CCSER2: variants seen among roughly 807,000 people sequenced by gnomAD.
CCSER2 encodes serine-rich coiled-coil domain-containing protein 2.
CCSER2 carries 46 observed loss-of-function variants against 92.3 expected under a neutral mutation model. The ratio of observed to expected loss-of-function variants is 0.50; its 90% CI spans 0.39 to 0.64. CCSER2 has a LOEUF of 0.64. Among genes scored for constraint, CCSER2 ranks in the 30% least tolerant of loss-of-function variants. The pLI, the probability that CCSER2 is intolerant of heterozygous loss-of-function variation, is 0.00. For missense variants in CCSER2, 1,244 were observed against 1,238.9 expected (o/e 1.00, Z -0.06); for synonymous variants, 433 against 431.4 (o/e 1.00, Z -0.04).
intron 9 of CCSER2, among the ~76,000 whole-genome samples, chr10:84,487,467 G>C (rs1847878014): frequency 6.6e-6 from 1 of 152,158 alleles, no homozygotes. Flanking sequence ...CATGTCCCTT[G>C]TAAGTTGGAT....
At chr10:84,428,985 GTATATATATATATATATATA>G (rs60243946) in intron 5 of CCSER2, among the ~76,000 whole-genome samples, 1 of 140,848 alleles carries the variant, frequency 7.1e-6, no homozygotes, top group Admixed American at 7.0e-5. Context: ...GTGTGTATGT[GTATATATATATATATATATA>G]TATATATATA....
chr10:84,339,124 G>T (rs1325732384), intron 1 of CCSER2, among the ~76,000 whole-genome samples: 61 of 137,424 alleles, frequency 4.4e-4, no homozygotes, highest in East Asian at 1.3e-3. Flanking sequence ...TTTTTTTTTT[G>T]TTTTTTTTTT....
At chr10:84,426,460 C>T (rs1043764442) in intron 5 of CCSER2, among the ~76,000 whole-genome samples, 6 of 152,162 alleles carry the variant, frequency 3.9e-5, no homozygotes, top group Non-Finnish European at 7.4e-5. Context: ...ATTAGCTTTG[C>T]AAGCTTAGAT....
intron 3 of CCSER2, chr10:84,391,375 C>T (rs571377469): frequency 6.9e-7 from 1 of 1,454,084 alleles, no homozygotes; most frequent in South Asian, 1.1e-5. Flanking sequence ...CCCAAAGTAA[C>T]ATCCTAACAC....
intron 6 of CCSER2, among the ~76,000 whole-genome samples, chr10:84,457,588 TA>T (rs1278581937): frequency 1.7e-4 from 2 of 12,036 alleles, no homozygotes; most frequent in African/African-American, 3.8e-4. Flanking sequence ...ATATTATATA[TA>T]ATTATATATT....
At chr10:84,441,744 T>A in intron 6 of CCSER2, among the ~76,000 whole-genome samples, 1 of 30,090 alleles carries the variant, frequency 3.3e-5, no homozygotes, top group Non-Finnish European at 6.7e-5. Flanking sequence ...ATGTTTTTTT[T>A]TTTTTTTTTT....
At chr10:84,418,382 G>C (rs758330546) in intron 4 of CCSER2, among the ~76,000 whole-genome samples, 18 of 152,128 alleles carry the variant, frequency 1.2e-4, no homozygotes, top group Non-Finnish European at 2.2e-4. Flanking sequence ...ATATGGGAGA[G>C]GGGCCTTAGG....
At chr10:84,426,915 AG>A (rs1843466970) in intron 5 of CCSER2, among the ~76,000 whole-genome samples, 1 of 152,252 alleles carries the variant, frequency 6.6e-6, no homozygotes, top group Non-Finnish European at 1.5e-5. Context: ...GGATGTCAGC[AG>A]TTGTAAGAAA....
intron 3 of CCSER2, chr10:84,393,860 G>A (rs1366788580): frequency 6.6e-6 from 1 of 152,168 alleles, no homozygotes; most frequent in Non-Finnish European, 1.5e-5. Flanking sequence ...CATAGATGTG[G>A]TAGTGGAGGG....
intron 5 of CCSER2, among the ~76,000 whole-genome samples, chr10:84,434,885 C>T: frequency 6.6e-6 from 1 of 152,130 alleles, no homozygotes; most frequent in East Asian, 1.9e-4. Flanking sequence ...GGACTCAGAT[C>T]ATCTATGCAG....
chr10:84,490,533 G>A (rs1487055517), intron 9 of CCSER2, among the ~76,000 whole-genome samples: 4 of 151,958 alleles, frequency 2.6e-5, no homozygotes, highest in Admixed American at 6.6e-5. Context: ...TGATCAAATC[G>A]GCTACTGAAG....
At chr10:84,456,610 G>A (rs1032105060) in intron 6 of CCSER2, among the ~76,000 whole-genome samples, 7 of 152,154 alleles carry the variant, frequency 4.6e-5, no homozygotes, top group Non-Finnish European at 1.5e-5. Context: ...TTGGGAGTAG[G>A]ATTGCTGGGT....
At chr10:84,413,650 C>CT (rs1167236373) in intron 3 of CCSER2, among the ~76,000 whole-genome samples, 4 of 152,148 alleles carry the variant, frequency 2.6e-5, no homozygotes, top group Non-Finnish European at 4.4e-5. Context: ...CTGTATATAT[C>CT]TATCAGGTCT....
intron 3 of CCSER2, among the ~76,000 whole-genome samples, chr10:84,377,752 T>C (rs1846416472): frequency 6.6e-6 from 1 of 152,204 alleles, no homozygotes; most frequent in Non-Finnish European, 1.5e-5. Flanking sequence ...GGAGATATAG[T>C]CCTCCATTAA....
Position 84,372,016 on chromosome 10 carries a change from C to G in CCSER2, c.964C>G (p.Leu322Val), listed in dbSNP as rs1846087432. The change falls in exon 2 of 10, where the codon CTA becomes GTA. Residue 322 changes from leucine to valine, a missense_variant. Physicochemically the swap from Leu to Val is conservative, Grantham distance 32 (BLOSUM62 1). Transcript: ENST00000372088. Reference protein sequence around the residue: ...TLGYRMVHPSLLKSSRSPFSG... With the variant: ...TLGYRMVHPSVLKSSRSPFSG... The stretch of plus-strand genomic sequence containing the variant: ...AGGTTATAGAATGGTTCATCCCTCT[C>G]TACTGAAATCTAGCCGATCTCCATT... The G allele has an allele frequency of 1.2e-6, 2 of 1,613,712 alleles. No individual in the cohort carries two copies. Among genetic ancestry groups the G allele is most frequent in the Non-Finnish European group, 1.7e-6 (2 of 1,179,830 alleles).
intron 9 of CCSER2, among the ~76,000 whole-genome samples, chr10:84,506,978 TTTTG>T (rs1014355919): frequency 6.6e-5 from 10 of 152,188 alleles, no homozygotes; most frequent in African/African-American, 1.9e-4. Context: ...ACTTTCAATA[TTTTG>T]TTTGGTAAGA....
chr10:84,416,229 C>T (rs1249844752), intron 3 of CCSER2, among the ~76,000 whole-genome samples: 1 of 152,150 alleles, frequency 6.6e-6, no homozygotes, highest in Admixed American at 6.5e-5. Flanking sequence ...TGGACTGTTG[C>T]CCCACCCTGC....
chr10:84,417,442 A>C (rs943892011), intron 3 of CCSER2, among the ~76,000 whole-genome samples: 3 of 152,190 alleles, frequency 2.0e-5, no homozygotes, highest in African/African-American at 7.2e-5. Context: ...ATTATGAATA[A>C]ATTTTGGGCA....
rs1841542362 is a variant in CCSER2 at position 84,391,936 on chromosome 10, G to T, written c.1614+18121G>T. The T allele has an allele frequency of 2.9e-6, 4 of 1,356,368 alleles. No individual in the cohort carries two copies. In the East Asian group the frequency reaches 9.2e-5, roughly 31 times the overall value. The allele number at this position is 1,356,368 out of a possible 1,614,324, so 84.0% of individuals were successfully genotyped here. A position where few individuals can be genotyped will look rare whatever the true frequency, so the allele number is the denominator to read the frequency against. On this transcript the variant is annotated intron_variant, in intron 3 of 9. Transcript: ENST00000372088. ...AGATGATCTCAGAGACACATTCGGT[G>T]TAAGATCCTTCATGGATTTAAAAAT... is the stretch of plus-strand genomic sequence containing the variant.
Sources: allele counts gnomAD v4.1 joint callset (sites outside exome capture counted in the v4.1 genomes callset), GRCh38; gene constraint gnomAD v4.1.1; transcripts MANE v1.5; gene names NCBI Gene and HGNC (gene_info 2026-07-23, HGNC 2026-07-21).